Variants in GPHN observed in about 807,000 individuals in gnomAD.
GPHN encodes the protein gephyrin.
In GPHN, 17 loss-of-function variants were observed where a neutral mutation model predicts 95.5. The observed-to-expected ratio is 0.18, with a 90% CI of 0.12 to 0.27. The LOEUF (loss-of-function observed/expected upper bound fraction) is 0.27, where lower values mean the gene tolerates loss of function less well. Ranked by LOEUF, GPHN falls within the 10% of genes least tolerant of loss-of-function variation. The pLI, the probability that GPHN is intolerant of heterozygous loss-of-function variation, is 1.00. For missense variants in GPHN, 660 were observed against 978.1 expected (o/e 0.67, Z 4.34); for synonymous variants, 320 against 322.5 (o/e 0.99, Z 0.08).
intron 1 of GPHN, among the ~76,000 whole-genome samples, chr14:66,569,399 A>G (rs972048302): frequency 5.3e-5 from 8 of 152,212 alleles, no homozygotes; most frequent in Non-Finnish European, 7.3e-5. Flanking sequence ...GCGGTGGCTC[A>G]TGCCTGTAAT....
At chr14:66,546,576 C>G (rs532985044) in intron 1 of GPHN, among the ~76,000 whole-genome samples, 2 of 152,274 alleles carry the variant, frequency 1.3e-5, no homozygotes, top group East Asian at 3.9e-4. Flanking sequence ...TGGAGACCAG[C>G]CCGTCCAACA....
At chr14:66,830,401 A>C (rs2061541650) in intron 4 of GPHN, among the ~76,000 whole-genome samples, 1 of 152,146 alleles carries the variant, frequency 6.6e-6, no homozygotes. Context: ...AGAATTCTGC[A>C]CTTTAAAAAT....
the GPHN span, among the ~76,000 whole-genome samples, chr14:67,644,388 C>CA: frequency 6.6e-6 from 1 of 152,206 alleles, no homozygotes; most frequent in African/African-American, 2.4e-5. Context: ...AGTCACACAG[C>CA]TCTTCCAGGA....
chr14:66,586,727 C>A (rs1353183763), intron 1 of GPHN, among the ~76,000 whole-genome samples: 1 of 152,186 alleles, frequency 6.6e-6, no homozygotes, highest in Non-Finnish European at 1.5e-5. Context: ...CCACTCTCTT[C>A]TGGCTTGTAG....
chr14:66,825,736 A>G (rs962048435), intron 4 of GPHN, among the ~76,000 whole-genome samples: 6 of 152,230 alleles, frequency 3.9e-5, no homozygotes, highest in Non-Finnish European at 1.5e-5. Context: ...AGGGTTTTAA[A>G]TAAAATAGTT....
chr14:67,722,482 G>T, the GPHN span: 1 of 753,666 alleles, frequency 1.3e-6, no homozygotes, highest in Non-Finnish European at 2.4e-6. Context: ...AGGATTCTGG[G>T]CTCTGCTCAG....
chr14:67,055,511 A>G (rs1294914766), intron 10 of GPHN, among the ~76,000 whole-genome samples: 1 of 152,242 alleles, frequency 6.6e-6, no homozygotes, highest in Non-Finnish European at 1.5e-5. Flanking sequence ...TCAAAGACCT[A>G]GAACTAGATA....
At chr14:66,649,640 T>A (rs923909330) in intron 1 of GPHN, among the ~76,000 whole-genome samples, 13 of 152,296 alleles carry the variant, frequency 8.5e-5, no homozygotes, top group African/African-American at 3.1e-4. Flanking sequence ...GAAGTGGAGC[T>A]GAGGCAATGA....
intron 8 of GPHN, among the ~76,000 whole-genome samples, chr14:66,932,444 G>GGTTT (rs2066855094): frequency 4.1e-5 from 1 of 24,380 alleles, no homozygotes; most frequent in Non-Finnish European, 7.3e-5. Context: ...CCAAGACCAG[G>GGTTT]TTTTTTTTTT....
intron 12 of GPHN, among the ~76,000 whole-genome samples, chr14:67,093,532 A>AT (rs1411506068): frequency 1.3e-5 from 2 of 152,136 alleles, no homozygotes; most frequent in African/African-American, 4.8e-5. Context: ...AGAGGGCCTT[A>AT]TGATATGGGA....
chr14:67,382,914 T>C, the GPHN span, among the ~76,000 whole-genome samples: 1 of 151,846 alleles, frequency 6.6e-6, no homozygotes, highest in Non-Finnish European at 1.5e-5. Context: ...CGTGCGTGTG[T>C]GTGTGTGTGT....
At chr14:66,594,872 A>G (rs2061908236) in intron 1 of GPHN, among the ~76,000 whole-genome samples, 1 of 152,200 alleles carries the variant, frequency 6.6e-6, no homozygotes, top group Admixed American at 6.5e-5. Context: ...GAATGAAGAG[A>G]AAACCTGTGG....
At chr14:67,390,668 A>T in the GPHN span, 1 of 1,609,614 alleles carries the variant, frequency 6.2e-7, no homozygotes, top group South Asian at 1.1e-5. Context: ...CTCACTTTGG[A>T]AGGGTCATAG....
chr14:67,126,371 A>G (rs371882897), intron 17 of GPHN, among the ~76,000 whole-genome samples: 1 of 152,194 alleles, frequency 6.6e-6, no homozygotes, highest in Non-Finnish European at 1.5e-5. Context: ...ATACCTGTGT[A>G]CTACTGTGGG....
chr14:67,527,522 AT>A, the GPHN span, among the ~76,000 whole-genome samples: 1 of 152,264 alleles, frequency 6.6e-6, no homozygotes. Context: ...AAATGTTTCG[AT>A]TTTTAATTAG....
the GPHN span, among the ~76,000 whole-genome samples, chr14:67,682,505 T>C: frequency 1.3e-5 from 2 of 151,564 alleles, no homozygotes; most frequent in Admixed American, 1.3e-4. Context: ...CATGAAAGAA[T>C]GTTCAACATC....
intron 10 of GPHN, among the ~76,000 whole-genome samples, chr14:67,039,257 A>G (rs908147741): frequency 1.3e-5 from 2 of 151,840 alleles, no homozygotes; most frequent in Non-Finnish European, 2.9e-5. Flanking sequence ...TTTTGTTCAT[A>G]TTTTCTCCAG....
intron 9 of GPHN, among the ~76,000 whole-genome samples, chr14:67,003,624 C>T (rs1185426362): frequency 6.6e-6 from 1 of 151,624 alleles, no homozygotes; most frequent in African/African-American, 2.4e-5. Context: ...TTCCCCACAG[C>T]ATCATCAATC....
chr14:67,110,463 A>G (rs1350799203), intron 14 of GPHN, among the ~76,000 whole-genome samples: 1 of 152,226 alleles, frequency 6.6e-6, no homozygotes, highest in Non-Finnish European at 1.5e-5. Flanking sequence ...CTGTTGTTAC[A>G]GGAGGGGTTT....
Sources: allele counts gnomAD v4.1 joint callset (sites outside exome capture counted in the v4.1 genomes callset), GRCh38; gene constraint gnomAD v4.1.1; transcripts MANE v1.5; gene names NCBI Gene and HGNC (gene_info 2026-07-23, HGNC 2026-07-21).